DOP1B: variants seen among roughly 807,000 people sequenced by gnomAD.
DOP1B encodes protein DOP1B.
DOP1B carries 174 observed loss-of-function variants against 233.5 expected under a neutral mutation model. That is an observed-to-expected ratio of 0.75 (90% CI 0.66 to 0.85). DOP1B has a LOEUF of 0.85. Among genes scored for constraint, DOP1B ranks in the 40% least tolerant of loss-of-function variants. DOP1B has a pLI of 0.00. For missense variants in DOP1B, 2,652 were observed against 2,846.6 expected, an observed-to-expected ratio of 0.93 and a Z score of 1.56; for synonymous variants, 1,190 against 1,185.6, an observed-to-expected ratio of 1.00 and a Z score of -0.08.
intron 31 of DOP1B, among the ~76,000 whole-genome samples, chr21:36,280,627 G>A (rs2067404542): frequency 6.6e-6 from 1 of 152,200 alleles, no homozygotes; most frequent in Admixed American, 6.6e-5. Flanking sequence ...TGTGCTGAAA[G>A]TAATAAGTTT....
intron 22 of DOP1B, among the ~76,000 whole-genome samples, chr21:36,253,188 A>G (rs1227588016): frequency 2.0e-5 from 3 of 152,188 alleles, no homozygotes; most frequent in Non-Finnish European, 4.4e-5. Flanking sequence ...AAGGCTAGCA[A>G]ATGGGAGCCT....
intron 2 of DOP1B, chr21:36,169,179 CT>C: frequency 9.7e-7 from 1 of 1,035,286 alleles, no homozygotes. Context: ...ACCACACAGC[CT>C]TTCAGCATAA....
intron 1 of DOP1B, among the ~76,000 whole-genome samples, chr21:36,157,230 T>G (rs2065827951): frequency 6.6e-6 from 1 of 151,818 alleles, no homozygotes; most frequent in Non-Finnish European, 1.5e-5. Context: ...GCGCGGAGGA[T>G]ATGATGCCGG....
intron 23 of DOP1B, among the ~76,000 whole-genome samples, chr21:36,255,932 T>C (rs919487652): frequency 1.3e-5 from 2 of 152,200 alleles, no homozygotes; most frequent in African/African-American, 4.8e-5. Flanking sequence ...AGAGAGCTTC[T>C]TCAATTATAC....
chr21:36,234,508 A>C (rs560054569), intron 15 of DOP1B, among the ~76,000 whole-genome samples: 3 of 151,158 alleles, frequency 2.0e-5, no homozygotes, highest in East Asian at 1.9e-4. Context: ...CATGTAGTAC[A>C]TATTCAAGTA....
At chr21:36,283,213 T>TGGGCA (rs2067438628) in intron 32 of DOP1B, among the ~76,000 whole-genome samples, 2 of 151,950 alleles carry the variant, frequency 1.3e-5, no homozygotes, top group African/African-American at 2.4e-5. Context: ...TCCAAGTAGC[T>TGGGCA]GGGATTACAG....
rs761756308 is a variant in DOP1B at position 36,238,613 on chromosome 21, G to C, written c.2788G>C (p.Glu930Gln). 9 of 1,614,070 alleles carry C rather than the reference G, an allele frequency of 5.6e-6. No homozygotes were observed. In the East Asian group the frequency reaches 1.3e-4, roughly 24 times the overall value. The change falls in exon 17 of 37, where the codon GAA becomes CAA. Residue 930 changes from glutamate (E) to glutamine (Q), a missense_variant. Coordinates refer to ENST00000691173, the MANE Select transcript of DOP1B (RefSeq NM_001320714.2). ...LLDPDKGTRL[E>Q]ALFRFSVIWH... The stretch of plus-strand genomic sequence containing the variant: ...TCTCCTCATCAAGGGAACAAGGCTG[G>C]AAGCTCTGTTTAGATTTTCCGTGAT...
At position 36,293,395 on chromosome 21, in the gene DOP1B, A is replaced by G; in HGVS notation, c.6721A>G (p.Arg2241Gly). ...LLRQHSVSSI[R>G]QLMPFFMTLN... is the part of the protein sequence containing the mutation. ...GCGCCAACATTCTGTTTCCAGCATC[A>G]GGCAGTTGATGCCATTCTTCATGAC... is the stretch of plus-strand genomic sequence containing the variant. The change falls in exon 37 of 37, where the codon AGG (arginine) becomes GGG (glycine). Residue 2241 changes from arginine to glycine, a missense_variant. Transcript: ENST00000691173. 1 of 1,614,144 alleles carries G rather than the reference A, an allele frequency of 6.2e-7. No individual in the cohort carries two copies.
chr21:36,204,836 G>T (rs1034652575), intron 4 of DOP1B, among the ~76,000 whole-genome samples: 1 of 151,788 alleles, frequency 6.6e-6, no homozygotes, highest in Admixed American at 6.6e-5. Flanking sequence ...TGTATTTTTA[G>T]TAGAGACGGA....
intron 2 of DOP1B, among the ~76,000 whole-genome samples, chr21:36,179,067 GTC>G (rs781496204): frequency 2.7e-4 from 41 of 152,158 alleles, no homozygotes; most frequent in Non-Finnish European, 4.7e-4. Context: ...AGTATGTGCC[GTC>G]TCTCTCCTTT....
At chr21:36,190,595 G>A (rs1230265808) in intron 2 of DOP1B, among the ~76,000 whole-genome samples, 7 of 151,884 alleles carry the variant, frequency 4.6e-5, no homozygotes, top group South Asian at 2.1e-4. Context: ...ACAGGGTTTC[G>A]CCATGTTGCC....
intron 27 of DOP1B, among the ~76,000 whole-genome samples, chr21:36,276,360 G>T (rs1429810469): frequency 6.6e-6 from 1 of 151,944 alleles, no homozygotes; most frequent in East Asian, 1.9e-4. Context: ...GCAAGACTTT[G>T]TCTCTATAAA....
intron 22 of DOP1B, 116 bp from the exon 23 acceptor site, chr21:36,253,656 A>G: frequency 1.8e-6 from 2 of 1,121,946 alleles, no homozygotes; most frequent in South Asian, 1.7e-5. Flanking sequence ...AAAAAAAGAG[A>G]TGAAAACAGA....
intron 18 of DOP1B, among the ~76,000 whole-genome samples, chr21:36,241,693 C>CTTTTTTTTTTTTT (rs58454212): frequency 5.7e-5 from 6 of 105,550 alleles, no homozygotes; most frequent in African/African-American, 7.4e-5. Context: ...TTCTTTCTTT[C>CTTTTTTTTTTTTT]TTTTTTTTTT....
chr21:36,200,923 T>C (rs2066357383), intron 4 of DOP1B, among the ~76,000 whole-genome samples: 1 of 151,980 alleles, frequency 6.6e-6, no homozygotes, highest in African/African-American at 2.4e-5. Flanking sequence ...CTCTTTCACA[T>C]TTCCTTGGTG....
rs746756922 is a variant in DOP1B, at chr21:36,245,778, C to T, written c.3798C>T (p.Ser1266=). Residue 1266 remains serine, a synonymous_variant, in exon 19 of 37, where the codon AGC becomes AGT. Coordinates refer to ENST00000691173, the MANE Select transcript of DOP1B (RefSeq NM_001320714.2). The surrounding 1 kb of genome is among the most constrained non-coding windows in gnomAD (Gnocchi z 5.5). ...TCATCGAGGCTGTGTCCAGGACTAG[C>T]ATGGATACCAGCTCCACCGCGCACC... ...KEFIEAVSRT[S]MDTSSTAHLN... is the part of the protein sequence containing the mutation. 1.9e-6 allele frequency: 3 copies of T among 1,613,912 alleles called. No homozygotes were observed. Among genetic ancestry groups the T allele is most frequent in the African/African-American group, 2.7e-5 (2 of 74,906 alleles).
chr21:36,158,089 G>A (rs2065836312), intron 1 of DOP1B, among the ~76,000 whole-genome samples: 1 of 152,064 alleles, frequency 6.6e-6, no homozygotes, highest in African/African-American at 2.4e-5. Context: ...ATGAGCCACA[G>A]TGCCCAACCC....
At chr21:36,207,492 TTTTTTTG>T (rs1352593824) in intron 4 of DOP1B, among the ~76,000 whole-genome samples, 1,090 of 103,608 alleles carry the variant, frequency 0.011, 21 homozygotes, top group African/African-American at 0.041. Flanking sequence ...GCCAAACAGT[TTTTTTTG>T]TTTTTTTTTT....
rs963539559 is a variant in DOP1B, at chr21:36,260,682, G to A, written c.5265G>A (p.Ser1755=). ...GGTTTTACTTTCATTTTCAGAAATC[G>A]CCCCTAGTGGACATTCCTGTGTTGC... ...PPQVKGGDEK[S]PLVDIPVLQF... is the part of the protein sequence containing the mutation. Residue 1755 remains serine (S), a synonymous_variant, in exon 24 of 37, where the codon TCG becomes TCA. Coordinates refer to ENST00000691173, the MANE Select transcript of DOP1B (RefSeq NM_001320714.2). 14 of 1,613,580 alleles carry A rather than the reference G, an allele frequency of 8.7e-6. No individual in the cohort carries two copies. In the African/African-American group the frequency reaches 1.3e-4, roughly 15 times the overall value.
Sources: gnomAD v4.1 joint callset for allele counts (sites outside exome capture counted in the v4.1 genomes callset) on GRCh38, gnomAD v4.1.1 for gene constraint, Gnocchi (gnomAD v3.1) non-coding constraint, MANE v1.5 for transcripts, NCBI Gene and HGNC (gene_info 2026-07-23, HGNC 2026-07-21) for gene names.